SRSF11: variants seen among roughly 807,000 people sequenced by gnomAD.
SRSF11 encodes serine and arginine rich splicing factor 11, also known as serine/arginine-rich splicing factor 11.
Under a neutral mutation model 56.0 loss-of-function variants are expected in SRSF11, and 9 were observed. That is an observed-to-expected ratio of 0.16 (90% CI 0.10 to 0.28). The LOEUF is 0.28. SRSF11 is among the 10% of genes least tolerant of loss of function. SRSF11 has a pLI of 1.00. For synonymous variants in SRSF11, 222 were observed against 215.3 expected (o/e 1.03, Z -0.27); for missense variants, 421 against 600.7 (o/e 0.70, Z 3.13).
intron 9 of SRSF11, 63 bp from the exon 10 acceptor site, chr1:70,249,889 T>C: frequency 1.3e-6 from 2 of 1,510,318 alleles, no homozygotes; most frequent in Non-Finnish European, 1.8e-6. Flanking sequence ...TCATCTATGA[T>C]GTGTCTGCAT....
At chr1:70,218,388 C>T (rs995554879), upstream of SRSF11, among the ~76,000 whole-genome samples, 21 of 152,184 alleles carry the variant, frequency 1.4e-4, no homozygotes, top group Middle Eastern at 3.2e-3. Context: ...GTTGCATAAA[C>T]TTTTTGCCAC....
At chr1:70,231,232 T>C (rs1672786639) in intron 2 of SRSF11, 1 of 1,227,450 alleles carries the variant, frequency 8.1e-7, no homozygotes. Flanking sequence ...TGCAGTTTCT[T>C]AATATGTATT....
At chr1:70,212,074 A>G (rs958953736) in intron 1 of SRSF11, among the ~76,000 whole-genome samples, 10 of 152,082 alleles carry the variant, frequency 6.6e-5, no homozygotes, top group African/African-American at 2.4e-4. Context: ...TGGGGTGGCA[A>G]TTGGTGGAGA....
At chr1:70,230,324 A>G in intron 2 of SRSF11, 2 of 1,043,376 alleles carry the variant, frequency 1.9e-6, no homozygotes, top group Non-Finnish European at 2.3e-6. Flanking sequence ...TACCTCCAGT[A>G]AATACAATTC....
intron 6 of SRSF11, 100 bp downstream of exon 6, chr1:70,237,652 G>T: frequency 6.7e-7 from 1 of 1,484,166 alleles, no homozygotes; most frequent in Non-Finnish European, 9.1e-7. Flanking sequence ...CGTTTAAAAT[G>T]TTGTAAACTC....
chr1:70,247,304 G>A (rs1314641978), intron 9 of SRSF11, among the ~76,000 whole-genome samples: 1 of 152,084 alleles, frequency 6.6e-6, no homozygotes. Context: ...TTAATGGGAA[G>A]CAATGCAGGT....
At chr1:70,235,385 T>G (rs759050607) in intron 4 of SRSF11, 116 bp from the exon 5 acceptor site, 39 of 833,004 alleles carry the variant, frequency 4.7e-5, no homozygotes, top group Admixed American at 8.7e-5. Flanking sequence ...ACTAAAAAAT[T>G]TATGTTTCAT....
At chr1:70,241,352 A>G (rs1675348126) in intron 7 of SRSF11, among the ~76,000 whole-genome samples, 1 of 152,086 alleles carries the variant, frequency 6.6e-6, no homozygotes, top group Admixed American at 6.6e-5. Flanking sequence ...TTATCTTTTA[A>G]TATCATTTTC....
At chr1:70,231,770 A>G in intron 2 of SRSF11, 1 of 1,277,972 alleles carries the variant, frequency 7.8e-7, no homozygotes, top group African/African-American at 1.5e-5. Flanking sequence ...TAGGTGTAAA[A>G]GAAAATCATA....
At chr1:70,209,640 T>C (rs962408923) in intron 1 of SRSF11, among the ~76,000 whole-genome samples, 2 of 151,388 alleles carry the variant, frequency 1.3e-5, no homozygotes, top group Non-Finnish European at 2.9e-5. Context: ...AGACAGAGTC[T>C]CAGTCTGTTG....
At position 70,221,410 on chromosome 1, in the gene SRSF11, C is replaced by A. The variant is rs967747745; in HGVS notation, c.-227C>A. ...CGTGGTTGGAGGCGAGGTGGGGCGG[C>A]CGTTTGTTTTCTCGTGGTCTCGAGC... On this transcript the variant is annotated 5_prime_UTR_variant, in exon 1 of 12. Coordinates refer to ENST00000370949, the MANE Select transcript of SRSF11 (RefSeq NM_001350605.2). 5 of 548,330 alleles carry A rather than the reference C, an allele frequency of 9.1e-6. No homozygotes were observed. 34.0% of individuals were successfully genotyped at this position (548,330 alleles called of 1,614,324 possible).
At chr1:70,222,364 T>A (rs2100602515) in intron 1 of SRSF11, among the ~76,000 whole-genome samples, 1 of 152,328 alleles carries the variant, frequency 6.6e-6, no homozygotes, top group African/African-American at 2.4e-5. Flanking sequence ...GTGAGCCTGA[T>A]TACTTAATTT....
chr1:70,214,503 A>T (rs945372341), intron 1 of SRSF11, among the ~76,000 whole-genome samples: 1 of 152,236 alleles, frequency 6.6e-6, no homozygotes, highest in Non-Finnish European at 1.5e-5. Context: ...GTTGAAAAAA[A>T]TGGTCACAGA....
At position 70,250,652 on chromosome 1, in the gene SRSF11, T is replaced by C. The variant is rs1196395028; in HGVS notation, c.1302T>C (p.Ser434=). 3 of 1,613,748 alleles carry C rather than the reference T, an allele frequency of 1.9e-6. No individual in the cohort carries two copies. Among genetic ancestry groups the C allele is most frequent in the Admixed American group, 1.7e-5 (1 of 59,974 alleles). The change falls in exon 12 of 12, where the codon AGT becomes AGC. Residue 434 remains serine, a synonymous_variant. Transcript: ENST00000370949. The part of the protein sequence containing the change: ...DYDEEEQGYD[S]EKEKKEEKKP... ...ATGAAGAGGAACAGGGGTATGACAG[T>C]GAGAAAGAGAAAAAAGAAGAGAAGA...
intron 10 of SRSF11, 79 bp from the exon 11 acceptor site, chr1:70,250,286 C>CT (rs1571972653): frequency 6.3e-7 from 1 of 1,576,292 alleles, no homozygotes; most frequent in East Asian, 2.2e-5. Context: ...TGCTGTACTA[C>CT]TTATATCCTG....
Position 70,251,598 on chromosome 1 carries a change from T to G in SRSF11, c.*793T>G, listed in dbSNP as rs1394130878. On this transcript the variant is annotated 3_prime_UTR_variant, in exon 12 of 12. Coordinates refer to ENST00000370949, the MANE Select transcript of SRSF11 (RefSeq NM_001350605.2). ...GTGAAAGCTATCTACCTATCCTGAG[T>G]CTATCTTAAAGGAAAAAAAGAAAAA... The G allele has an allele frequency of 6.6e-6, 1 of 152,432 alleles. No individual in the cohort carries two copies. The highest frequency in any genetic ancestry group is 1.5e-5 in the Non-Finnish European group (1 of 67,962). The allele number at this position is 152,432 out of a possible 1,614,324, so 9.4% of individuals were successfully genotyped here.
chr1:70,249,243 G>A (rs1677438776), intron 9 of SRSF11: 1 of 152,032 alleles, frequency 6.6e-6, no homozygotes, highest in African/African-American at 2.4e-5. Context: ...AGGTGAATGT[G>A]GGGATATTTT....
intron 2 of SRSF11, chr1:70,229,634 C>T (rs1461571715): frequency 1.0e-6 from 1 of 984,236 alleles, no homozygotes; most frequent in African/African-American, 1.7e-5. Flanking sequence ...TTCCCCTTTC[C>T]TTAATAAACT....
At chr1:70,220,073 T>C (rs1670381680), upstream of SRSF11, among the ~76,000 whole-genome samples, 1 of 152,238 alleles carries the variant, frequency 6.6e-6, no homozygotes, top group African/African-American at 2.4e-5. Context: ...GTCCAGCACA[T>C]TCATTGGGAC....
Sources: allele counts gnomAD v4.1 joint callset (sites outside exome capture counted in the v4.1 genomes callset), GRCh38; gene constraint gnomAD v4.1.1; transcripts MANE v1.5; gene names NCBI Gene and HGNC (gene_info 2026-07-23, HGNC 2026-07-21).